The following USP46 variants were observed in gnomAD, a reference collection of about 807,000 sequenced individuals.
USP46 encodes ubiquitin specific peptidase 46, also known as ubiquitin carboxyl-terminal hydrolase 46.
In USP46, 12 loss-of-function variants were observed where a neutral mutation model predicts 44.4. The observed-to-expected ratio is 0.27, with a 90% CI of 0.17 to 0.44. The LOEUF (loss-of-function observed/expected upper bound fraction) is 0.44, where lower values mean the gene tolerates loss of function less well. Among genes scored for constraint, USP46 ranks in the 20% least tolerant of loss-of-function variants. The pLI is 1.00. For missense variants in USP46, 248 were observed against 444.8 expected, an observed-to-expected ratio of 0.56 and a Z score of 3.98; for synonymous variants, 155 against 161.5, an observed-to-expected ratio of 0.96 and a Z score of 0.31.
In USP46 at chr4:52,597,191, C is replaced by T. The variant is rs1316145088; in HGVS notation, c.*449G>A. 1 of 157,350 alleles carries T rather than the reference C, an allele frequency of 6.4e-6. No individual in the cohort carries two copies. The highest frequency in any genetic ancestry group is 1.9e-4 in the East Asian group (1 of 5,230). 9.7% of individuals were successfully genotyped at this position (157,350 alleles called of 1,614,324 possible). A position where few individuals can be genotyped will look rare whatever the true frequency, so the allele number is the denominator to read the frequency against. ...GTGAATATCTACCCAATTCTTCTGTCCTTGTATCAGAAGAGAGGCAGAGAA... is the reference window on the plus strand; with the variant it reads ...GTGAATATCTACCCAATTCTTCTGTTCTTGTATCAGAAGAGAGGCAGAGAA... On this transcript the variant is annotated 3_prime_UTR_variant, in exon 9 of 9. Transcript: ENST00000441222.
chr4:52,605,691 C>T (rs936171850), intron 5 of USP46, among the ~76,000 whole-genome samples: 1 of 152,152 alleles, frequency 6.6e-6, no homozygotes, highest in Admixed American at 6.5e-5. Context: ...GAGATGTGTG[C>T]AAATGAACCA....
rs373476301 is a variant in USP46, at chr4:52,593,775, G to C, written c.*3865C>G. 6.6e-6 allele frequency: 1 copy of C among 152,176 alleles called. No individual in the cohort carries two copies. Among genetic ancestry groups the C allele is most frequent in the African/African-American group, 2.4e-5 (1 of 41,444 alleles). The allele number at this position is 152,176 out of a possible 1,614,324, so 9.4% of individuals were successfully genotyped here. On this transcript the variant is annotated 3_prime_UTR_variant, in exon 9 of 9. Transcript: ENST00000441222. ...TACTGGAAGCTGCCTTCTTATTTGG[G>C]GAATGGATCTTTCATTTCATAACTG...
At chr4:52,604,377 T>C in intron 6 of USP46, 124 bp downstream of exon 6, 1 of 737,082 alleles carries the variant, frequency 1.4e-6, no homozygotes, top group South Asian at 1.8e-5. Flanking sequence ...ATAACTGACT[T>C]CCCCAAGGCT....
intron 2 of USP46, chr4:52,629,556 TTTCACCAA>T (rs1433215149): frequency 2.2e-6 from 1 of 455,470 alleles, no homozygotes; most frequent in Non-Finnish European, 4.4e-6. Flanking sequence ...TAAGTCAGTA[TTTCACCAA>T]CACAATGCCC....
intron 1 of USP46, among the ~76,000 whole-genome samples, chr4:52,651,267 T>C (rs776685749): frequency 6.6e-6 from 1 of 152,100 alleles, no homozygotes; most frequent in Non-Finnish European, 1.5e-5. Flanking sequence ...TCTCCAAGCA[T>C]GGTCCTCAGC....
intron 1 of USP46, among the ~76,000 whole-genome samples, chr4:52,631,640 C>G (rs367803572): frequency 1.3e-4 from 20 of 152,310 alleles, no homozygotes; most frequent in East Asian, 7.7e-4. Flanking sequence ...AATGCCTGCT[C>G]TCATGGATTT....
intron 5 of USP46, 98 bp from the exon 6 acceptor site, chr4:52,604,682 T>G: frequency 1.3e-6 from 1 of 770,764 alleles, no homozygotes; most frequent in Non-Finnish European, 2.0e-6. Context: ...AATTTTTAAG[T>G]AAAAATGGAA....
At chr4:52,653,718 C>T (rs551145351) in intron 1 of USP46, among the ~76,000 whole-genome samples, 69 of 152,008 alleles carry the variant, frequency 4.5e-4, no homozygotes, top group Non-Finnish European at 6.9e-4. Flanking sequence ...CTTTGGGTGG[C>T]TTCATGGGTA....
At chr4:52,614,534 T>C (rs1325071099) in intron 4 of USP46, among the ~76,000 whole-genome samples, 1 of 152,076 alleles carries the variant, frequency 6.6e-6, no homozygotes, top group Admixed American at 6.5e-5. Flanking sequence ...AAAAAAATGA[T>C]TAGCCTGGAA....
intron 1 of USP46, among the ~76,000 whole-genome samples, chr4:52,641,441 T>A (rs62338768): frequency 0.068 from 10,272 of 151,850 alleles, 448 homozygotes; most frequent in Middle Eastern, 0.12. Context: ...CAAACAACAA[T>A]AACAAAATCC....
At chr4:52,598,599 G>A in intron 8 of USP46, 29 bp downstream of exon 8, 1 of 1,588,634 alleles carries the variant, frequency 6.3e-7, no homozygotes, top group Admixed American at 1.7e-5. Context: ...GATGCTCTAT[G>A]ACTACTGGAG....
chr4:52,640,577 G>A (rs1718297867), intron 1 of USP46, among the ~76,000 whole-genome samples: 4 of 152,062 alleles, frequency 2.6e-5, no homozygotes, highest in South Asian at 4.2e-4. Flanking sequence ...AAGGTGAGCG[G>A]ATCACTTGAG....
At chr4:52,640,848 G>T (rs1718312146) in intron 1 of USP46, among the ~76,000 whole-genome samples, 2 of 148,308 alleles carry the variant, frequency 1.3e-5, no homozygotes, top group South Asian at 4.2e-4. Flanking sequence ...AAAATATAAT[G>T]AAAGTTTAGT....
intron 1 of USP46, among the ~76,000 whole-genome samples, chr4:52,653,878 T>C (rs543128658): frequency 6.6e-6 from 1 of 152,302 alleles, no homozygotes; most frequent in South Asian, 2.1e-4. Context: ...TTTCTCTTAA[T>C]TGCTAAGAGA....
At chr4:52,643,422 T>C (rs1718424129) in intron 1 of USP46, among the ~76,000 whole-genome samples, 2 of 152,204 alleles carry the variant, frequency 1.3e-5, no homozygotes, top group African/African-American at 4.8e-5. Context: ...ACAGCCATGA[T>C]CATTCATTTA....
intron 1 of USP46, among the ~76,000 whole-genome samples, chr4:52,644,480 C>T (rs1259942157): frequency 6.6e-6 from 1 of 152,130 alleles, no homozygotes; most frequent in African/African-American, 2.4e-5. Flanking sequence ...GCAGGCATTA[C>T]CACCTGAGCT....
chr4:52,599,423 G>C (rs1015773154), intron 7 of USP46, among the ~76,000 whole-genome samples: 4 of 152,140 alleles, frequency 2.6e-5, no homozygotes, highest in Admixed American at 2.6e-4. Context: ...GAGTGAGCGA[G>C]GCGGGGAAGA....
At chr4:52,610,433 T>C in intron 5 of USP46, 108 bp downstream of exon 5, 7 of 935,640 alleles carry the variant, frequency 7.5e-6, no homozygotes, top group South Asian at 3.3e-5. Context: ...AATAGGATCA[T>C]ATTGGTTTAA....
At chr4:52,649,997 T>A (rs1207408588) in intron 1 of USP46, among the ~76,000 whole-genome samples, 1 of 152,224 alleles carries the variant, frequency 6.6e-6, no homozygotes, top group Admixed American at 6.5e-5. Context: ...AGAAACTGCA[T>A]GTCAATAAAG....
Sources: gnomAD v4.1 joint callset for allele counts (sites outside exome capture counted in the v4.1 genomes callset) on GRCh38, gnomAD v4.1.1 for gene constraint, MANE v1.5 for transcripts, NCBI Gene and HGNC (gene_info 2026-07-23, HGNC 2026-07-21) for gene names.